The following GTF2E2 variants were observed in gnomAD, a reference collection of about 807,000 sequenced individuals.
GTF2E2 encodes the protein transcription initiation factor IIE subunit beta.
In GTF2E2, 21 loss-of-function variants were observed where a neutral mutation model predicts 40.5. The observed-to-expected ratio is 0.52, with a 90% CI of 0.37 to 0.75. GTF2E2 has a LOEUF of 0.75. GTF2E2 is among the 30% of genes least tolerant of loss of function. The pLI is 0.00. For synonymous variants in GTF2E2, 117 were observed against 121.6 expected (o/e 0.96, Z 0.25); for missense variants, 298 against 338.4 (o/e 0.88, Z 0.94).
chr8:30,615,049 AG>A lies in GTF2E2; in HGVS notation c.259-335del, dbSNP rs199659227. ...TCCCAGCACTCTGGGGGACTAAGGC[AG>A]GTGGGATCACTTCAGGTCAGGTGTT... On this transcript the variant is annotated intron_variant, in intron 3 of 7. Transcript: ENST00000355904. Among the ~76,000 whole-genome samples, 4,899 of 152,180 alleles carry A rather than the reference AG, an allele frequency of 0.032. 115 individuals are homozygous for A. The highest frequency in any genetic ancestry group is 0.048 in the Non-Finnish European group (3,285 of 68,004).
At chr8:30,620,572 T>C (rs1012715098) in intron 3 of GTF2E2, among the ~76,000 whole-genome samples, 2 of 152,122 alleles carry the variant, frequency 1.3e-5, no homozygotes, top group Non-Finnish European at 2.9e-5. Context: ...ACATATACAA[T>C]GTATTGATAG....
At chr8:30,588,075 T>C (rs978451239) in intron 6 of GTF2E2, among the ~76,000 whole-genome samples, 1 of 152,134 alleles carries the variant, frequency 6.6e-6, no homozygotes, top group Non-Finnish European at 1.5e-5. Flanking sequence ...AAAGATAACA[T>C]GCACTGATGA....
intron 6 of GTF2E2, among the ~76,000 whole-genome samples, chr8:30,593,599 C>G (rs1585942015): frequency 6.6e-6 from 1 of 151,898 alleles, no homozygotes; most frequent in East Asian, 1.9e-4. Context: ...TTCAGGTGAT[C>G]CTCCCACCTC....
At position 30,658,137 on chromosome 8, in the gene GTF2E2, T is replaced by TGGCGGC. The variant is rs1554565375; in HGVS notation, c.-170_-169insGCCGCC. 5.0e-5 allele frequency: 9 copies of TGGCGGC among 179,698 alleles called. 2 individuals carry two copies. The South Asian group carries it at 5.8e-4, about 11-fold the overall frequency. 11.1% of individuals were successfully genotyped at this position (179,698 alleles called of 1,614,324 possible). A position where few individuals can be genotyped will look rare whatever the true frequency, so the allele number is the denominator to read the frequency against. ...ACCCGCCAGGTCGGGGTCTCACCAC[T>TGGCGGC]GGCGGTGGCGGCGGCGGCGGCGGCA... is the stretch of plus-strand genomic sequence containing the variant. On this transcript the variant is annotated 5_prime_UTR_variant, in exon 1 of 8. Coordinates refer to ENST00000355904, the MANE Select transcript of GTF2E2 (RefSeq NM_002095.6).
At chr8:30,590,879 CA>C (rs926139624) in intron 6 of GTF2E2, among the ~76,000 whole-genome samples, 10 of 150,930 alleles carry the variant, frequency 6.6e-5, no homozygotes, top group African/African-American at 2.2e-4. Flanking sequence ...TTAGTAGAGA[CA>C]GGGTTTTGCC....
At chr8:30,656,617 G>A (rs1337849217) in intron 1 of GTF2E2, among the ~76,000 whole-genome samples, 1 of 152,114 alleles carries the variant, frequency 6.6e-6, no homozygotes, top group African/African-American at 2.4e-5. Context: ...GACGAGTCTG[G>A]CCAACATGGT....
At chr8:30,657,268 C>T (rs965638889) in intron 1 of GTF2E2, among the ~76,000 whole-genome samples, 11 of 152,220 alleles carry the variant, frequency 7.2e-5, no homozygotes, top group African/African-American at 2.7e-4. Context: ...TTAAACAAAA[C>T]CACAACTCAA....
At position 30,655,082 on chromosome 8, in the gene GTF2E2, T is replaced by G. The variant is rs192936779; in HGVS notation, c.-4-1480A>C. 2.0e-5 allele frequency among the ~76,000 whole-genome samples: 3 copies of G among 151,784 alleles called. No homozygotes were observed. In the East Asian group the frequency reaches 5.8e-4, roughly 30 times the overall value. On this transcript the variant is annotated intron_variant, in intron 1 of 7. Transcript: ENST00000355904. ...CAGTCATAGTGACACATACGTGTAGTCCGGGCTACTCAGAACGCTGAGACA... is the reference window on the plus strand; with the variant it reads ...CAGTCATAGTGACACATACGTGTAGGCCGGGCTACTCAGAACGCTGAGACA...
intron 1 of GTF2E2, chr8:30,657,470 G>T: frequency 6.6e-6 from 1 of 152,274 alleles, no homozygotes; most frequent in Non-Finnish European, 1.5e-5. Context: ...AGGCTGCTTC[G>T]CCCTTAAATG....
intron 6 of GTF2E2, among the ~76,000 whole-genome samples, chr8:30,593,064 C>T (rs1451540999): frequency 2.0e-5 from 3 of 152,108 alleles, no homozygotes; most frequent in East Asian, 3.8e-4. Flanking sequence ...TGTGGTGGCA[C>T]GTGCCTGTAG....
intron 6 of GTF2E2, among the ~76,000 whole-genome samples, chr8:30,599,969 G>A (rs890587594): frequency 5.3e-5 from 8 of 152,122 alleles, no homozygotes; most frequent in Admixed American, 3.9e-4. Context: ...GTGACAAAGC[G>A]AGACTCTGTC....
chr8:30,589,740 G>A lies in GTF2E2; in HGVS notation c.644-9344C>T, dbSNP rs529849545. On this transcript the variant is annotated intron_variant, in intron 6 of 7. Coordinates refer to ENST00000355904, the MANE Select transcript of GTF2E2 (RefSeq NM_002095.6). ...GTCTGCCCAAATCTGTGCAGCAGAG[G>A]CTGGACAGAATGAGAAGAACTTGGC... is the stretch of plus-strand genomic sequence containing the variant. Among the ~76,000 whole-genome samples, 55 of 152,242 alleles carry A rather than the reference G, an allele frequency of 3.6e-4. No homozygotes were observed. The East Asian group carries it at 6.6e-3, about 18-fold the overall frequency.
intron 1 of GTF2E2, among the ~76,000 whole-genome samples, chr8:30,655,038 C>T (rs1802410226): frequency 6.6e-6 from 1 of 152,072 alleles, no homozygotes; most frequent in Non-Finnish European, 1.5e-5. Context: ...TAGTGAAACC[C>T]TATCTCTACG....
chr8:30,643,734 TAA>T (rs894504632), intron 2 of GTF2E2: 14 of 151,088 alleles, frequency 9.3e-5, no homozygotes, highest in African/African-American at 3.4e-4. Flanking sequence ...CACCTTTTAC[TAA>T]AGATTTCTTC....
chr8:30,614,545 C>CT, intron 4 of GTF2E2, 63 bp downstream of exon 4: 3 of 936,216 alleles, frequency 3.2e-6, no homozygotes. Context: ...AAGACTCTGT[C>CT]TTAAAAAAAA....
chr8:30,653,415 C>A lies in GTF2E2; in HGVS notation c.166+18G>T. On this transcript the variant is annotated intron_variant, in intron 2 of 7. Coordinates refer to ENST00000355904, the MANE Select transcript of GTF2E2 (RefSeq NM_002095.6). ...TAATCTGAATAAAAACCAAACAGTC[C>A]TAAACAATTTTACTAACCAGAATTT... 10 of 1,600,694 alleles carry A rather than the reference C, an allele frequency of 6.2e-6. No individual in the cohort carries two copies. Among genetic ancestry groups the A allele is most frequent in the Non-Finnish European group, 8.5e-6 (10 of 1,170,102 alleles).
chr8:30,629,061 C>T (rs926446101), intron 3 of GTF2E2, among the ~76,000 whole-genome samples: 2 of 152,088 alleles, frequency 1.3e-5, no homozygotes, highest in African/African-American at 4.8e-5. Flanking sequence ...CATTCCTAAA[C>T]TTTACTCCAT....
chr8:30,580,269 G>A lies in GTF2E2; in HGVS notation c.759+12C>T. ...GGCAGGGGATTAAGCTGCTTTGCTAGAGATTACGCACCACTTTCTTTGGTC... is the reference window on the plus strand; with the variant it reads ...GGCAGGGGATTAAGCTGCTTTGCTAAAGATTACGCACCACTTTCTTTGGTC... On this transcript the variant is annotated intron_variant, in intron 7 of 7. Coordinates refer to ENST00000355904, the MANE Select transcript of GTF2E2 (RefSeq NM_002095.6). 1.4e-6 allele frequency: 2 copies of A among 1,416,966 alleles called. No homozygotes were observed. Among genetic ancestry groups the A allele is most frequent in the Non-Finnish European group, 1.0e-6 (1 of 1,000,046 alleles). 87.8% of individuals were successfully genotyped at this position (1,416,966 alleles called of 1,614,324 possible).
At chr8:30,645,398 A>T in intron 2 of GTF2E2, 1 of 1,535,644 alleles carries the variant, frequency 6.5e-7, no homozygotes, top group South Asian at 1.2e-5. Flanking sequence ...TTCCATGACA[A>T]CTGGAACACT....
Sources: gnomAD v4.1 joint callset for allele counts (sites outside exome capture counted in the v4.1 genomes callset) on GRCh38, gnomAD v4.1.1 for gene constraint, MANE v1.5 for transcripts, NCBI Gene and HGNC (gene_info 2026-07-23, HGNC 2026-07-21) for gene names.